FRMD5: variants seen among roughly 807,000 people sequenced by gnomAD.
FRMD5 encodes the protein FERM domain-containing protein 5.
FRMD5 carries 20 observed loss-of-function variants against 69.0 expected under a neutral mutation model. The ratio of observed to expected loss-of-function variants is 0.29; its 90% CI spans 0.20 to 0.42. FRMD5 has a LOEUF of 0.42. Among genes scored for constraint, FRMD5 ranks in the 10% least tolerant of loss-of-function variants. The probability of loss-of-function intolerance (pLI) is 1.00; values close to 1 mark genes in which losing one functional copy is unlikely to be tolerated. For synonymous variants in FRMD5, 271 were observed against 260.1 expected (o/e 1.04, Z -0.40); for missense variants, 595 against 708.6 (o/e 0.84, Z 1.82).
intron 1 of FRMD5, among the ~76,000 whole-genome samples, chr15:44,033,780 T>G (rs2140292049): frequency 6.6e-6 from 1 of 152,280 alleles, no homozygotes; most frequent in South Asian, 2.1e-4. Flanking sequence ...CTGGGTGAGT[T>G]GGGGTAAGTT....
intron 1 of FRMD5, among the ~76,000 whole-genome samples, chr15:44,018,770 C>G (rs1891082247): frequency 6.6e-6 from 1 of 152,190 alleles, no homozygotes; most frequent in African/African-American, 2.4e-5. Context: ...CCAGCACTGT[C>G]TCCTTGTCCT....
rs115948247 is a variant in FRMD5 at position 43,877,634 on chromosome 15, G to A, written c.1136-3172C>T. 9.8e-3 allele frequency among the ~76,000 whole-genome samples: 1,495 copies of A among 152,356 alleles called. 20 individuals are homozygous for A. The highest frequency in any genetic ancestry group is 0.034 in the African/African-American group (1,401 of 41,580). ...CTAGTTACGCTCCCCATTGCGTCAC[G>A]GCTCATATATTTGCCACAGCTCTCA... On this transcript the variant is annotated intron_variant, in intron 13 of 13. Transcript: ENST00000417257.
At chr15:44,084,222 C>T (rs989065489) in intron 1 of FRMD5, among the ~76,000 whole-genome samples, 1 of 151,936 alleles carries the variant, frequency 6.6e-6, no homozygotes, top group Non-Finnish European at 1.5e-5. Flanking sequence ...AAGATGATAA[C>T]ACACCTATCT....
intron 13 of FRMD5, among the ~76,000 whole-genome samples, chr15:43,877,706 C>A (rs548450163): frequency 6.6e-6 from 1 of 152,196 alleles, no homozygotes; most frequent in South Asian, 2.1e-4. Context: ...TATTTTTTGT[C>A]CCTGTGCTAA....
At chr15:44,152,166 G>A (rs1302342006) in intron 1 of FRMD5, among the ~76,000 whole-genome samples, 3 of 152,112 alleles carry the variant, frequency 2.0e-5, no homozygotes, top group Non-Finnish European at 4.4e-5. Flanking sequence ...CTGAGATTGC[G>A]CCACTGTACT....
intron 1 of FRMD5, among the ~76,000 whole-genome samples, chr15:44,086,602 A>G (rs936035388): frequency 3.3e-5 from 5 of 152,194 alleles, no homozygotes; most frequent in African/African-American, 9.6e-5. Context: ...TTTTGGGGTG[A>G]TGAAAGTATT....
intron 1 of FRMD5, among the ~76,000 whole-genome samples, chr15:44,153,846 C>T (rs1456480479): frequency 6.6e-6 from 1 of 152,010 alleles, no homozygotes; most frequent in Non-Finnish European, 1.5e-5. Context: ...CAGGTGCCTG[C>T]TATCCCAGCT....
chr15:43,879,769 A>C (rs958302856), intron 13 of FRMD5: 1 of 397,936 alleles, frequency 2.5e-6, no homozygotes, highest in South Asian at 1.4e-4. Flanking sequence ...AAAGATGGAA[A>C]GCCAACTAGG....
At chr15:43,948,162 G>A (rs1247839873) in intron 1 of FRMD5, among the ~76,000 whole-genome samples, 2 of 152,208 alleles carry the variant, frequency 1.3e-5, no homozygotes, top group African/African-American at 4.8e-5. Flanking sequence ...ACTGAGCTGG[G>A]AATTGAACCC....
chr15:43,896,798 A>G (rs898749231), intron 7 of FRMD5, among the ~76,000 whole-genome samples: 2 of 152,148 alleles, frequency 1.3e-5, no homozygotes, highest in Non-Finnish European at 2.9e-5. Flanking sequence ...AAACTAATTC[A>G]ATTTTGATGA....
Position 44,132,158 on chromosome 15 carries a change from A to C in FRMD5, c.102+62795T>G, listed in dbSNP as rs2077110290. Among the ~76,000 whole-genome samples the C allele has an allele frequency of 2.6e-5, 4 of 152,120 alleles. No individual in the cohort carries two copies. In the South Asian group the frequency reaches 6.2e-4, roughly 24 times the overall value. ...CAAAAGGGTTCACGCTCCTTTGAGAATCTAATGCCACCGCTGATCTGACAG... is the reference window on the plus strand; with the variant it reads ...CAAAAGGGTTCACGCTCCTTTGAGACTCTAATGCCACCGCTGATCTGACAG... On this transcript the variant is annotated intron_variant, in intron 1 of 13. Coordinates refer to ENST00000417257, the MANE Select transcript of FRMD5 (RefSeq NM_032892.5).
intron 1 of FRMD5, among the ~76,000 whole-genome samples, chr15:44,121,880 A>C (rs1451532605): frequency 6.6e-6 from 1 of 151,274 alleles, no homozygotes; most frequent in Admixed American, 6.6e-5. Context: ...CTGTAGTCCC[A>C]GCTACTTGGG....
intron 1 of FRMD5, among the ~76,000 whole-genome samples, chr15:44,050,246 G>A (rs1892598741): frequency 2.0e-5 from 3 of 152,190 alleles, no homozygotes; most frequent in Admixed American, 1.3e-4. Context: ...AAAAAAGAGA[G>A]TGGTTACATC....
chr15:44,162,871 A>G (rs2140504556), intron 1 of FRMD5, among the ~76,000 whole-genome samples: 1 of 142,996 alleles, frequency 7.0e-6, no homozygotes, highest in South Asian at 2.2e-4. Flanking sequence ...CCGTCTCAAA[A>G]AAAAAAAAAA....
intron 1 of FRMD5, among the ~76,000 whole-genome samples, chr15:44,176,291 C>A (rs1481134393): frequency 6.6e-6 from 1 of 152,088 alleles, no homozygotes; most frequent in Admixed American, 6.6e-5. Flanking sequence ...AAAGAATAGC[C>A]TTTTCAACTG....
At chr15:44,034,538 A>G (rs544950751) in intron 1 of FRMD5, among the ~76,000 whole-genome samples, 4 of 152,186 alleles carry the variant, frequency 2.6e-5, no homozygotes, top group African/African-American at 9.7e-5. Context: ...GCAATAAAAG[A>G]TTATTGTGAA....
intron 1 of FRMD5, among the ~76,000 whole-genome samples, chr15:43,958,266 G>A (rs1217041852): frequency 1.3e-5 from 2 of 152,040 alleles, no homozygotes; most frequent in East Asian, 1.9e-4. Context: ...AATGTACTGA[G>A]AGCTGCTCAT....
rs1024791057 is a variant in FRMD5, at chr15:44,169,929, T to C, written c.102+25024A>G. ...TCAGAGGTGAATATAATATTCAGCC[T>C]TTCACTTATTGCCTGTGTATAGAAC... On this transcript the variant is annotated intron_variant, in intron 1 of 13. Coordinates refer to ENST00000417257, the MANE Select transcript of FRMD5 (RefSeq NM_032892.5). 5.3e-5 allele frequency among the ~76,000 whole-genome samples: 8 copies of C among 152,318 alleles called. No homozygotes were observed. The East Asian group carries it at 1.3e-3, about 26-fold the overall frequency.
rs1420544029 is a variant in FRMD5, at chr15:43,884,887, A to T, written c.960-92T>A. The T allele has an allele frequency of 8.0e-6, 9 of 1,119,142 alleles. No homozygotes were observed. The Admixed American group carries it at 1.6e-4, about 20-fold the overall frequency. The allele number at this position is 1,119,142 out of a possible 1,614,324, so 69.3% of individuals were successfully genotyped here. On this transcript the variant is annotated intron_variant, in intron 11 of 13. Coordinates refer to ENST00000417257, the MANE Select transcript of FRMD5 (RefSeq NM_032892.5). ...AGATCTTAGGTGCTTTCCCTGAATCAGGAAATGGCATCTGTGGCCCACCCT... is the reference window on the plus strand; with the variant it reads ...AGATCTTAGGTGCTTTCCCTGAATCTGGAAATGGCATCTGTGGCCCACCCT...
Sources: gnomAD v4.1 joint callset for allele counts (sites outside exome capture counted in the v4.1 genomes callset) on GRCh38, gnomAD v4.1.1 for gene constraint, MANE v1.5 for transcripts, NCBI Gene and HGNC (gene_info 2026-07-23, HGNC 2026-07-21) for gene names.